Variants in PALLD observed in about 807,000 individuals in gnomAD.
The protein encoded by PALLD is palladin, cytoskeletal associated protein.
A neutral mutation model predicts 123.5 loss-of-function variants in PALLD; 61 were observed. The observed-to-expected ratio is 0.49, with a 90% CI of 0.40 to 0.61. The LOEUF is 0.61. Among genes scored for constraint, PALLD ranks in the 20% least tolerant of loss-of-function variants. The pLI is 0.00. For missense variants in PALLD, 1,273 were observed against 1,377.0 expected, an observed-to-expected ratio of 0.92 and a Z score of 1.20; for synonymous variants, 465 against 496.4, an observed-to-expected ratio of 0.94 and a Z score of 0.84.
chr4:168,583,191 T>C (rs925076299), intron 2 of PALLD, among the ~76,000 whole-genome samples: 10 of 152,188 alleles, frequency 6.6e-5, no homozygotes, highest in Non-Finnish European at 1.0e-4. Context: ...TTTTGTTTTA[T>C]TAGGAAAAGT....
chr4:168,739,493 T>G (rs1788114450), intron 10 of PALLD, among the ~76,000 whole-genome samples: 1 of 152,216 alleles, frequency 6.6e-6, no homozygotes, highest in South Asian at 2.1e-4. Flanking sequence ...AGTTCTAATG[T>G]TCGTTAGCAG....
At chr4:168,858,722 C>T (rs1337509692) in intron 10 of PALLD, among the ~76,000 whole-genome samples, 2 of 151,702 alleles carry the variant, frequency 1.3e-5, no homozygotes, top group Non-Finnish European at 2.9e-5. Context: ...GTCGAGGCTG[C>T]AGTGAGCCGT....
chr4:168,524,805 T>C (rs1763894971), intron 2 of PALLD, among the ~76,000 whole-genome samples: 1 of 152,178 alleles, frequency 6.6e-6, no homozygotes, highest in South Asian at 2.1e-4. Context: ...GATTCTTTAG[T>C]GGTCCTCATG....
In PALLD at chr4:168,511,502, A is replaced by G; in HGVS notation, c.-3A>G. ...ACACAGAGTGCATGAAGACCGTTCA[A>G]ATATGTCAGGGACCTCCTCCCATGA... On this transcript the variant is annotated 5_prime_UTR_variant, in exon 2 of 22. Transcript: ENST00000505667. The G allele has an allele frequency of 6.2e-7, 1 of 1,612,670 alleles. No homozygotes were observed. Among genetic ancestry groups the G allele is most frequent in the South Asian group, 1.1e-5 (1 of 91,052 alleles).
intron 15 of PALLD, among the ~76,000 whole-genome samples, chr4:168,904,819 C>T (rs939907215): frequency 1.3e-5 from 2 of 152,090 alleles, no homozygotes; most frequent in Admixed American, 6.6e-5. Context: ...TTTAATGACA[C>T]TACAAACTTT....
In PALLD at chr4:168,711,767, T is replaced by A. The variant is rs761386540; in HGVS notation, c.1808T>A (p.Phe603Tyr). The A allele has an allele frequency of 6.2e-7, 1 of 1,614,042 alleles. No individual in the cohort carries two copies. Among genetic ancestry groups the A allele is most frequent in the South Asian group, 1.1e-5 (1 of 91,076 alleles). The change falls in exon 10 of 22, where the codon TTC becomes TAC. Residue 603 changes from phenylalanine (F) to tyrosine (Y), a missense_variant. By Grantham distance (22) the Phe-to-Tyr change is conservative. This residue lies in a region of PALLD where 944 missense variants were observed against 954.5 expected (regional missense o/e 0.99). Transcript: ENST00000505667. ...GLSRAALQMQ[F>Y]NAAERETNGV... ...AGCAGGGCAGCCCTTCAAATGCAATTCAATGCTGCTGAGAGGGAAACGAAC... is the reference window on the plus strand; with the variant it reads ...AGCAGGGCAGCCCTTCAAATGCAATACAATGCTGCTGAGAGGGAAACGAAC...
chr4:168,622,994 A>T lies in PALLD; in HGVS notation c.909-45196A>T, dbSNP rs567798348. On this transcript the variant is annotated intron_variant, in intron 2 of 21. Coordinates refer to ENST00000505667, the MANE Select transcript of PALLD (RefSeq NM_001166108.2). The stretch of plus-strand genomic sequence containing the variant: ...AACAGCATTAACATTTTCATAGGAG[A>T]GTTAAGCCCACTATCAAGGTACTTA... Among the ~76,000 whole-genome samples the T allele has an allele frequency of 1.9e-4, 29 of 152,318 alleles. No homozygotes were observed. In the South Asian group the frequency reaches 6.0e-3, roughly 32 times the overall value.
intron 2 of PALLD, among the ~76,000 whole-genome samples, chr4:168,643,210 C>T (rs906487935): frequency 1.3e-5 from 2 of 152,178 alleles, no homozygotes; most frequent in Non-Finnish European, 2.9e-5. Flanking sequence ...AAGGGAAAAG[C>T]AGTCTGGTTT....
At chr4:168,667,118 T>A (rs1306208264) in intron 2 of PALLD, among the ~76,000 whole-genome samples, 1 of 152,198 alleles carries the variant, frequency 6.6e-6, no homozygotes, top group East Asian at 1.9e-4. Context: ...ATTAGCAAAC[T>A]CATTTGCTTT....
chr4:168,532,481 T>C (rs1764695389), intron 2 of PALLD, among the ~76,000 whole-genome samples: 1 of 152,112 alleles, frequency 6.6e-6, no homozygotes, highest in Non-Finnish European at 1.5e-5. Context: ...AGCTGAGTTA[T>C]CTCAAGAAAA....
At chr4:168,780,060 G>T (rs576020087) in intron 10 of PALLD, among the ~76,000 whole-genome samples, 2 of 151,980 alleles carry the variant, frequency 1.3e-5, no homozygotes, top group African/African-American at 4.8e-5. Context: ...CACCATGCCC[G>T]ACTAATTTTG....
intron 2 of PALLD, among the ~76,000 whole-genome samples, chr4:168,570,987 C>G (rs1463247372): frequency 6.6e-6 from 1 of 152,110 alleles, no homozygotes; most frequent in Non-Finnish European, 1.5e-5. Context: ...GGCTCTATGC[C>G]TGACTTGGTT....
intron 2 of PALLD, among the ~76,000 whole-genome samples, chr4:168,521,487 T>C (rs1763559221): frequency 6.6e-6 from 1 of 152,238 alleles, no homozygotes; most frequent in African/African-American, 2.4e-5. Context: ...TAGCACATTG[T>C]AGTGTCTTAA....
chr4:168,800,402 A>T (rs912321755), intron 10 of PALLD, among the ~76,000 whole-genome samples: 3 of 152,226 alleles, frequency 2.0e-5, no homozygotes, highest in Non-Finnish European at 4.4e-5. Context: ...AAGAACTCGT[A>T]CAAATCAATT....
At position 168,928,326 on chromosome 4, in the gene PALLD, T is replaced by TA. The variant is rs398064261; in HGVS notation, c.*2156dup. Reference sequence around the variant, plus strand: ...TTTTGCCACCTTTATATTGTATTTATAAAAAAAAAAGTACTATCAATCAAT... The same window carrying TA: ...TTTTGCCACCTTTATATTGTATTTATAAAAAAAAAAAGTACTATCAATCAAT... On this transcript the variant is annotated 3_prime_UTR_variant, in exon 22 of 22. Coordinates refer to ENST00000505667, the MANE Select transcript of PALLD (RefSeq NM_001166108.2). 11,763 of 179,422 alleles carry TA rather than the reference T, an allele frequency of 0.066. 589 individuals are homozygous for TA. The highest frequency in any genetic ancestry group is 0.16 in the African/African-American group (6,592 of 42,030). The allele number at this position is 179,422 out of a possible 1,614,324, so 11.1% of individuals were successfully genotyped here. A position where few individuals can be genotyped will look rare whatever the true frequency, so the allele number is the denominator to read the frequency against.
chr4:168,542,382 C>A (rs1765701025), intron 2 of PALLD, among the ~76,000 whole-genome samples: 1 of 151,656 alleles, frequency 6.6e-6, no homozygotes, highest in South Asian at 2.1e-4. Flanking sequence ...TACCACTGCA[C>A]TCTAGCCTGG....
intron 2 of PALLD, among the ~76,000 whole-genome samples, chr4:168,528,452 A>G (rs2149475180): frequency 6.6e-6 from 1 of 152,344 alleles, no homozygotes; most frequent in South Asian, 2.1e-4. Flanking sequence ...ACTCTCTGTC[A>G]ATGAGAAATT....
intron 2 of PALLD, among the ~76,000 whole-genome samples, chr4:168,614,539 A>T (rs1345243722): frequency 1.3e-5 from 2 of 152,250 alleles, no homozygotes; most frequent in Non-Finnish European, 2.9e-5. Flanking sequence ...TCTGATTAAA[A>T]AAAAATACTT....
In PALLD at chr4:168,903,754, C is replaced by CAT. The variant is rs767632039; in HGVS notation, c.2473-2_2473-1insTA. On this transcript the variant is annotated splice_region_variant and splice_polypyrimidine_tract_variant and intron_variant, in intron 14 of 21. Coordinates refer to ENST00000505667, the MANE Select transcript of PALLD (RefSeq NM_001166108.2). ...AATCTTTAATCTTTGTTTCTATTCA[C>CAT]AGATCTATTGGTTTAAAGATGGGAA... The CAT allele has an allele frequency of 2.5e-6, 4 of 1,607,916 alleles. No homozygotes were observed. The Admixed American group carries it at 5.0e-5, about 20-fold the overall frequency.
Sources: gnomAD v4.1 joint callset for allele counts (sites outside exome capture counted in the v4.1 genomes callset) on GRCh38, gnomAD v4.1.1 for gene constraint, gnomAD v4.1.1 regional missense constraint, MANE v1.5 for transcripts, NCBI Gene and HGNC (gene_info 2026-07-23, HGNC 2026-07-21) for gene names.